FBXL7: variants seen among roughly 807,000 people sequenced by gnomAD.
FBXL7 encodes the protein F-box/LRR-repeat protein 7.
In FBXL7, 12 loss-of-function variants were observed where a neutral mutation model predicts 38.3. The observed-to-expected ratio is 0.31, with a 90% CI of 0.20 to 0.51. The LOEUF is 0.51. Ranked by LOEUF, FBXL7 falls within the 20% of genes least tolerant of loss-of-function variation. The pLI is 0.98. For missense variants in FBXL7, 567 were observed against 676.4 expected, an observed-to-expected ratio of 0.84 and a Z score of 1.79; for synonymous variants, 297 against 300.9, an observed-to-expected ratio of 0.99 and a Z score of 0.13.
chr5:15,673,497 A>G (rs1369617189), intron 2 of FBXL7, among the ~76,000 whole-genome samples: 1 of 152,158 alleles, frequency 6.6e-6, no homozygotes, highest in Non-Finnish European at 1.5e-5. Context: ...GATTGTAAAC[A>G]TTCACCATGG....
At chr5:15,655,680 A>G (rs1741855894) in intron 2 of FBXL7, among the ~76,000 whole-genome samples, 1 of 152,222 alleles carries the variant, frequency 6.6e-6, no homozygotes, top group African/African-American at 2.4e-5. Flanking sequence ...ATGTGGATTC[A>G]GATGTGTTAG....
chr5:15,915,640 TTCA>T (rs1741565070), intron 2 of FBXL7, among the ~76,000 whole-genome samples: 1 of 152,204 alleles, frequency 6.6e-6, no homozygotes, highest in Non-Finnish European at 1.5e-5. Flanking sequence ...TGGTTAAGAC[TTCA>T]TCATATCTTT....
intron 2 of FBXL7, among the ~76,000 whole-genome samples, chr5:15,873,856 A>T (rs962675191): frequency 6.6e-6 from 1 of 152,354 alleles, no homozygotes; most frequent in African/African-American, 2.4e-5. Flanking sequence ...AGCTGGTACC[A>T]TTCCTTCTGA....
intron 2 of FBXL7, among the ~76,000 whole-genome samples, chr5:15,632,398 C>T (rs768385487): frequency 3.3e-5 from 5 of 152,150 alleles, no homozygotes; most frequent in East Asian, 3.9e-4. Flanking sequence ...CCACTAAAAA[C>T]GTGTTAGATG....
chr5:15,856,586 A>G (rs1739278899), intron 2 of FBXL7, among the ~76,000 whole-genome samples: 2 of 152,174 alleles, frequency 1.3e-5, no homozygotes, highest in African/African-American at 2.4e-5. Flanking sequence ...AAAGAAATAC[A>G]TGACATAAAA....
intron 2 of FBXL7, among the ~76,000 whole-genome samples, chr5:15,643,977 G>A (rs1423283782): frequency 6.6e-6 from 1 of 151,994 alleles, no homozygotes; most frequent in East Asian, 1.9e-4. Context: ...ACATTGTTTT[G>A]GCACTTCGTA....
At chr5:15,504,424 A>G (rs1736589812) in intron 1 of FBXL7, among the ~76,000 whole-genome samples, 1 of 151,848 alleles carries the variant, frequency 6.6e-6, no homozygotes, top group African/African-American at 2.4e-5. Flanking sequence ...TTCCTCACGA[A>G]CTCCCGCCTC....
intron 1 of FBXL7, among the ~76,000 whole-genome samples, chr5:15,541,371 C>T (rs1183256244): frequency 5.7e-5 from 8 of 140,080 alleles, no homozygotes; most frequent in African/African-American, 1.9e-4. Context: ...TATATATACA[C>T]ATATATATAT....
At chr5:15,744,742 CTGAG>C (rs925698301) in intron 2 of FBXL7, among the ~76,000 whole-genome samples, 23 of 152,308 alleles carry the variant, frequency 1.5e-4, no homozygotes, top group African/African-American at 5.5e-4. Flanking sequence ...ATACCCAAGA[CTGAG>C]TGCTTTACAA....
In FBXL7 at chr5:15,551,326, GTTCC is replaced by G. The variant is rs1738062326; in HGVS notation, c.37+50614_37+50617del. On this transcript the variant is annotated intron_variant, in intron 1 of 3. Coordinates refer to ENST00000504595, the MANE Select transcript of FBXL7 (RefSeq NM_012304.5). ...GCTGTTAGGCAGCAACGTTTGAATA[GTTCC>G]CCTTTCAAGGCAGAAAGCCTCTGTT... Among the ~76,000 whole-genome samples, 27 of 152,344 alleles carry G rather than the reference GTTCC, an allele frequency of 1.8e-4. No individual in the cohort carries two copies. In the South Asian group the frequency reaches 5.2e-3, roughly 29 times the overall value.
At chr5:15,744,365 T>G (rs1735962143) in intron 2 of FBXL7, among the ~76,000 whole-genome samples, 1 of 152,186 alleles carries the variant, frequency 6.6e-6, no homozygotes, top group Non-Finnish European at 1.5e-5. Context: ...CACCAGTCTC[T>G]TTGCATAGCA....
intron 2 of FBXL7, among the ~76,000 whole-genome samples, chr5:15,771,050 G>C (rs1423700570): frequency 6.6e-6 from 1 of 152,152 alleles, no homozygotes; most frequent in African/African-American, 2.4e-5. Flanking sequence ...CCTCCTGTTA[G>C]AGTTAGAACT....
intron 2 of FBXL7, among the ~76,000 whole-genome samples, chr5:15,652,928 C>T (rs1362458386): frequency 1.3e-5 from 2 of 152,098 alleles, no homozygotes; most frequent in African/African-American, 4.8e-5. Context: ...GATAGATACT[C>T]CATTTATCCT....
At chr5:15,810,141 A>G (rs980408172) in intron 2 of FBXL7, among the ~76,000 whole-genome samples, 1 of 152,220 alleles carries the variant, frequency 6.6e-6, no homozygotes, top group East Asian at 1.9e-4. Flanking sequence ...ATAGAAGTTA[A>G]AATATTCAAA....
intron 2 of FBXL7, among the ~76,000 whole-genome samples, chr5:15,873,852 T>C (rs1740081219): frequency 6.6e-6 from 1 of 152,180 alleles, no homozygotes; most frequent in Admixed American, 6.5e-5. Context: ...GAGGAGCTGG[T>C]ACCATTCCTT....
chr5:15,801,679 TTGTG>T (rs765733185), intron 2 of FBXL7, among the ~76,000 whole-genome samples: 14 of 141,276 alleles, frequency 9.9e-5, no homozygotes, highest in East Asian at 4.2e-4. Flanking sequence ...GTGTGTGTGT[TTGTG>T]TGTGTGTGTG....
intron 1 of FBXL7, among the ~76,000 whole-genome samples, chr5:15,564,980 A>G (rs1738524262): frequency 6.6e-6 from 1 of 152,236 alleles, no homozygotes; most frequent in East Asian, 1.9e-4. Context: ...TCTTTTTTTA[A>G]TATAAAGATA....
At chr5:15,662,034 G>C (rs1156672984) in intron 2 of FBXL7, among the ~76,000 whole-genome samples, 1 of 152,138 alleles carries the variant, frequency 6.6e-6, no homozygotes, top group Non-Finnish European at 1.5e-5. Flanking sequence ...TTATATTCCT[G>C]TGGGTACAAA....
intron 2 of FBXL7, among the ~76,000 whole-genome samples, chr5:15,850,695 C>T (rs146147923): frequency 2.8e-4 from 42 of 152,294 alleles, no homozygotes; most frequent in East Asian, 1.2e-3. Flanking sequence ...CAATGTTGTC[C>T]GGACATGTTC....
Sources: allele counts gnomAD v4.1 joint callset (sites outside exome capture counted in the v4.1 genomes callset), GRCh38; gene constraint gnomAD v4.1.1; transcripts MANE v1.5; gene names NCBI Gene and HGNC (gene_info 2026-07-23, HGNC 2026-07-21).